CNKSR2: variants seen among roughly 807,000 people sequenced by gnomAD.
The protein encoded by CNKSR2 is CNK homolog protein 2.
In CNKSR2, 14 loss-of-function variants were observed where a neutral mutation model predicts 84.4. The ratio of observed to expected loss-of-function variants is 0.17; its 90% CI spans 0.11 to 0.26. CNKSR2 has a LOEUF of 0.26. CNKSR2 is among the 10% of genes least tolerant of loss of function. The pLI is 1.00. For missense variants in CNKSR2, 485 were observed against 771.2 expected, an observed-to-expected ratio of 0.63 and a Z score of 4.40; for synonymous variants, 275 against 277.9, an observed-to-expected ratio of 0.99 and a Z score of 0.10.
intron 9 of CNKSR2, among the ~76,000 whole-genome samples, chrX:21,519,128 G>A (rs1425658033): frequency 9.0e-6 from 1 of 111,180 alleles, no homozygotes; most frequent in Non-Finnish European, 1.9e-5. Context: ...CTAACATACC[G>A]CACCACTACC....
chrX:21,449,299 G>A (rs1427917190), intron 4 of CNKSR2, among the ~76,000 whole-genome samples: 22 of 70,980 alleles, frequency 3.1e-4, no homozygotes, highest in African/African-American at 1.8e-3. Context: ...GTGAGACTCC[G>A]TCTCAAAAAA....
At chrX:21,537,014 A>G (rs898407669) in intron 11 of CNKSR2, among the ~76,000 whole-genome samples, 1 of 110,257 alleles carries the variant, frequency 9.1e-6, no homozygotes, top group Non-Finnish European at 1.9e-5. Context: ...ATTTCTTGCT[A>G]TAAACTTCTT....
intron 5 of CNKSR2, among the ~76,000 whole-genome samples, chrX:21,482,169 C>G (rs1211159230): frequency 1.8e-5 from 2 of 112,192 alleles, no homozygotes; most frequent in Non-Finnish European, 3.8e-5. Flanking sequence ...CAAAGAGAGA[C>G]TAGTAGCCAG....
At chrX:21,416,525 A>G (rs1288071196) in intron 1 of CNKSR2, among the ~76,000 whole-genome samples, 1 of 111,007 alleles carries the variant, frequency 9.0e-6, no homozygotes, top group Non-Finnish European at 1.9e-5. Flanking sequence ...TCTCCTTTAA[A>G]TATTTGGTAG....
At position 21,601,315 on chromosome X, in the gene CNKSR2, A is replaced by G. The variant is rs1329660086; in HGVS notation, c.2010A>G (p.Gly670=). 2 of 1,173,391 alleles carry G rather than the reference A, an allele frequency of 1.7e-6. No individual in the cohort carries two copies. The change falls in exon 18 of 22, where the codon GGA becomes GGG. Residue 670 remains glycine (G), a synonymous_variant. Coordinates refer to ENST00000379510, the MANE Select transcript of CNKSR2 (RefSeq NM_014927.5). The part of the protein sequence containing the change: ...WLNRINMLTA[G]YAERERIKQE... The stretch of plus-strand genomic sequence containing the variant: ...ACAGAATTAATATGCTGACTGCAGG[A>G]TATGCAGAAAGAGAGAGGATTAAGC...
intron 11 of CNKSR2, among the ~76,000 whole-genome samples, chrX:21,545,938 C>G (rs1400628230): frequency 3.6e-5 from 4 of 111,753 alleles, no homozygotes; most frequent in Non-Finnish European, 7.5e-5. Flanking sequence ...CATCAAAGAT[C>G]AAAATAGATA....
At chrX:21,627,983 C>T (rs2092631654) in intron 20 of CNKSR2, among the ~76,000 whole-genome samples, 2 of 111,583 alleles carry the variant, frequency 1.8e-5, no homozygotes, top group South Asian at 3.9e-4. Flanking sequence ...TCCCTTCCAT[C>T]TATGAGCCTG....
In CNKSR2 at chrX:21,590,067, A is replaced by G. The variant is rs888967091; in HGVS notation, c.1609-505A>G. ...TACATGAAGATTAGTCACCAATAAT[A>G]GTGACAGAAGTAGGCATGAGAAAAA... On this transcript the variant is annotated intron_variant, in intron 13 of 21. Coordinates refer to ENST00000379510, the MANE Select transcript of CNKSR2 (RefSeq NM_014927.5). Among the ~76,000 whole-genome samples the G allele has an allele frequency of 3.6e-5, 4 of 111,663 alleles. No individual in the cohort carries two copies. In the Admixed American group the frequency reaches 3.8e-4, roughly 11 times the overall value.
At chrX:21,589,745 C>T (rs764645688) in intron 13 of CNKSR2, among the ~76,000 whole-genome samples, 56 of 111,436 alleles carry the variant, frequency 5.0e-4, no homozygotes, top group Non-Finnish European at 9.2e-4. Context: ...TTTAGCTTGG[C>T]AAGTATGATG....
intron 18 of CNKSR2, among the ~76,000 whole-genome samples, chrX:21,605,183 A>G (rs1021043958): frequency 6.3e-5 from 7 of 111,688 alleles, no homozygotes; most frequent in African/African-American, 2.3e-4. Flanking sequence ...CTAAGATTCG[A>G]ACCTACACCT....
chrX:21,460,112 T>C (rs765843756), intron 4 of CNKSR2, among the ~76,000 whole-genome samples: 1 of 112,172 alleles, frequency 8.9e-6, no homozygotes, highest in African/African-American at 3.2e-5. Flanking sequence ...GAAGTCATCA[T>C]TGTTGTTTTC....
intron 8 of CNKSR2, chrX:21,506,067 A>C (rs769379346): frequency 9.0e-6 from 1 of 111,107 alleles, no homozygotes; most frequent in Non-Finnish European, 1.9e-5. Flanking sequence ...AATTCCATAT[A>C]CCTAAGATAC....
chrX:21,421,121 G>A (rs1357879717), intron 1 of CNKSR2, among the ~76,000 whole-genome samples: 1 of 110,578 alleles, frequency 9.0e-6, no homozygotes, highest in Non-Finnish European at 1.9e-5. Flanking sequence ...TCTGTGGGTG[G>A]GCATCAGCTG....
At chrX:21,568,572 C>T (rs1343112249) in intron 13 of CNKSR2, among the ~76,000 whole-genome samples, 3 of 111,534 alleles carry the variant, frequency 2.7e-5, no homozygotes, top group Non-Finnish European at 3.8e-5. Context: ...CTTTCAGCCA[C>T]TCTGGCCAAT....
intron 8 of CNKSR2, among the ~76,000 whole-genome samples, chrX:21,511,667 C>T: frequency 9.0e-6 from 1 of 111,185 alleles, no homozygotes; most frequent in Middle Eastern, 4.7e-3. Context: ...AAGAGAAAAG[C>T]ACAGTGTTTG....
chrX:21,483,343 A>G lies in CNKSR2; in HGVS notation c.562-7116A>G, dbSNP rs192960962. 3.9e-3 allele frequency among the ~76,000 whole-genome samples: 431 copies of G among 109,969 alleles called. 3 individuals carry two copies. Among genetic ancestry groups the G allele is most frequent in the South Asian group, 0.038 (97 of 2,529 alleles). ...AAAAAACCAAACACTGCATGTTCTCACTCATAGATGGGAATTGAACAATCA... is the reference window on the plus strand; with the variant it reads ...AAAAAACCAAACACTGCATGTTCTCGCTCATAGATGGGAATTGAACAATCA... On this transcript the variant is annotated intron_variant, in intron 5 of 21. Coordinates refer to ENST00000379510, the MANE Select transcript of CNKSR2 (RefSeq NM_014927.5).
rs920917592 is a variant in CNKSR2 at position 21,511,360 on chromosome X, T to TA, written c.811-5119dup. Among the ~76,000 whole-genome samples the TA allele has an allele frequency of 2.7e-5, 3 of 111,431 alleles. No individual in the cohort carries two copies. In the East Asian group the frequency reaches 8.4e-4, roughly 31 times the overall value. Reference sequence around the variant, plus strand: ...CGACAAATTTTAAGTATATTACATATAAAAAATATTTTAATACTATATCTT... The same window carrying TA: ...CGACAAATTTTAAGTATATTACATATAAAAAAATATTTTAATACTATATCTT... On this transcript the variant is annotated intron_variant, in intron 8 of 21. Transcript: ENST00000379510.
At chrX:21,512,426 A>G (rs2091682420) in intron 8 of CNKSR2, among the ~76,000 whole-genome samples, 1 of 112,011 alleles carries the variant, frequency 8.9e-6, no homozygotes, top group African/African-American at 3.2e-5. Context: ...AATCTGAGAA[A>G]AAGCTGTGAT....
At chrX:21,389,921 AT>A (rs1187681382) in intron 1 of CNKSR2, among the ~76,000 whole-genome samples, 2 of 112,317 alleles carry the variant, frequency 1.8e-5, no homozygotes, top group Non-Finnish European at 3.8e-5. Flanking sequence ...TTTGATTAGC[AT>A]TTTTTACCTT....
Sources: gnomAD v4.1 joint callset for allele counts (sites outside exome capture counted in the v4.1 genomes callset) on GRCh38, gnomAD v4.1.1 for gene constraint, MANE v1.5 for transcripts, NCBI Gene and HGNC (gene_info 2026-07-23, HGNC 2026-07-21) for gene names.